SYNPO2: variants seen among roughly 807,000 people sequenced by gnomAD.
SYNPO2 encodes the protein synaptopodin-2.
A neutral mutation model predicts 85.0 loss-of-function variants in SYNPO2; 56 were observed. The ratio of observed to expected loss-of-function variants is 0.66; its 90% CI spans 0.53 to 0.82. SYNPO2 has a LOEUF of 0.82. Among genes scored for constraint, SYNPO2 ranks in the 40% least tolerant of loss-of-function variants. SYNPO2 has a pLI of 0.00. For synonymous variants in SYNPO2, 602 were observed against 591.1 expected, an observed-to-expected ratio of 1.02 and a Z score of -0.27; for missense variants, 1,575 against 1,534.2, an observed-to-expected ratio of 1.03 and a Z score of -0.44.
At position 118,889,076 on chromosome 4, in the gene SYNPO2, G is replaced by A. The variant is rs1732279657; in HGVS notation, c.40G>A (p.Gly14Arg). 1.9e-6 allele frequency: 3 copies of A among 1,614,152 alleles called. No individual in the cohort carries two copies. Among genetic ancestry groups the A allele is most frequent in the South Asian group, 1.1e-5 (1 of 91,084 alleles). The change falls in exon 1 of 5, where the codon GGG becomes AGG. Residue 14 changes from glycine to arginine, a missense_variant. Coordinates refer to ENST00000307142, the MANE Select transcript of SYNPO2 (RefSeq NM_133477.3). Reference protein sequence around the residue: ...GDFICISMTGGAPWGFRLQGG... With the variant: ...GDFICISMTGRAPWGFRLQGG... ...TTTTATCTGCATTTCCATGACTGGA[G>A]GGGCGCCCTGGGGGTTCAGATTGCA...
chr4:118,914,142 G>A (rs912829012), intron 1 of SYNPO2, among the ~76,000 whole-genome samples: 3 of 152,180 alleles, frequency 2.0e-5, no homozygotes, highest in Admixed American at 6.5e-5. Flanking sequence ...ATGACAAAGG[G>A]ATGGATGTTG....
chr4:118,858,588 G>A (rs951648878), intron 1 of SYNPO2, among the ~76,000 whole-genome samples: 1 of 152,088 alleles, frequency 6.6e-6, no homozygotes, highest in African/African-American at 2.4e-5. Context: ...GCCAGTGTGA[G>A]GGCACCTGTC....
chr4:118,969,013 A>T (rs1443600127), intron 1 of SYNPO2, among the ~76,000 whole-genome samples: 1 of 152,232 alleles, frequency 6.6e-6, no homozygotes, highest in African/African-American at 2.4e-5. Flanking sequence ...TGAGGAGACC[A>T]CTGTCTTAGC....
chr4:118,944,460 G>T (rs1291445469), intron 1 of SYNPO2, among the ~76,000 whole-genome samples: 1 of 152,008 alleles, frequency 6.6e-6, no homozygotes, highest in Non-Finnish European at 1.5e-5. Context: ...TAAAATAAAT[G>T]GACATATCCA....
At chr4:119,036,837 G>T (rs1233985417) in intron 4 of SYNPO2, 1 of 1,069,224 alleles carries the variant, frequency 9.4e-7, no homozygotes, top group Admixed American at 5.1e-5. Context: ...ATTGAATAAA[G>T]AGAAATTTAA....
chr4:118,887,162 A>AGTGTGT (rs1288161452), upstream of SYNPO2, among the ~76,000 whole-genome samples: 1 of 99,792 alleles, frequency 1.0e-5, no homozygotes, highest in African/African-American at 4.2e-5. Flanking sequence ...TCCCCATCTG[A>AGTGTGT]GTGAGTGTGT....
intron 1 of SYNPO2, among the ~76,000 whole-genome samples, chr4:118,900,029 TGGGATTACA>T (rs894362415): frequency 9.9e-5 from 15 of 152,220 alleles, no homozygotes; most frequent in Admixed American, 4.6e-4. Flanking sequence ...CCCAAAGTGC[TGGGATTACA>T]GGCGTGAGCC....
At chr4:118,900,703 C>CTATATATATATATATATATATATA (rs373144800) in intron 1 of SYNPO2, among the ~76,000 whole-genome samples, 2 of 43,892 alleles carry the variant, frequency 4.6e-5, no homozygotes, top group Non-Finnish European at 9.1e-5. Context: ...CTCTCTCTCT[C>CTATATATATATATATATATATATA]TATATATATA....
At position 119,059,013 on chromosome 4, in the gene SYNPO2, A is replaced by G. The variant is rs1186246067; in HGVS notation, c.*1079A>G. On this transcript the variant is annotated 3_prime_UTR_variant, in exon 5 of 5. Transcript: ENST00000307142. ...TCAAATGAGAAGATTGGATTATCTA[A>G]TCTTTTAGATCCTTAACAACTCTGA... 6.6e-6 allele frequency: 1 copy of G among 152,218 alleles called. No individual in the cohort carries two copies. The highest frequency in any genetic ancestry group is 1.5e-5 in the Non-Finnish European group (1 of 68,034). The allele number at this position is 152,218 out of a possible 1,614,324, so 9.4% of individuals were successfully genotyped here.
At chr4:118,993,329 C>G (rs1435994317) in intron 1 of SYNPO2, among the ~76,000 whole-genome samples, 1 of 152,076 alleles carries the variant, frequency 6.6e-6, no homozygotes, top group Non-Finnish European at 1.5e-5. Context: ...TGAGGATTAG[C>G]CATTGTAGAG....
chr4:118,885,947 T>C (rs1239841573), upstream of SYNPO2, among the ~76,000 whole-genome samples: 3 of 152,236 alleles, frequency 2.0e-5, no homozygotes, highest in Non-Finnish European at 4.4e-5. Flanking sequence ...TAAAGCACTG[T>C]TAATTATCAG....
At chr4:119,036,367 G>A in intron 4 of SYNPO2, 1 of 985,400 alleles carries the variant, frequency 1.0e-6, no homozygotes, top group Non-Finnish European at 1.2e-6. Context: ...CCAGAAACAT[G>A]ACCCTCGCTG....
chr4:119,020,953 G>A (rs1394751949), intron 1 of SYNPO2, among the ~76,000 whole-genome samples: 2 of 143,814 alleles, frequency 1.4e-5, no homozygotes, highest in Non-Finnish European at 3.0e-5. Flanking sequence ...CATTGCTTTT[G>A]TGACTTTCTT....
chr4:118,977,389 C>T (rs1425484164), intron 1 of SYNPO2, among the ~76,000 whole-genome samples: 2 of 152,240 alleles, frequency 1.3e-5, no homozygotes, highest in African/African-American at 2.4e-5. Flanking sequence ...CCAGCTGGCC[C>T]GCAAGCGCGG....
rs755032638 is a variant in SYNPO2 at position 118,889,047 on chromosome 4, G to C, written c.11G>C (p.Gly4Ala). The C allele has an allele frequency of 1.9e-6, 3 of 1,614,064 alleles. No individual in the cohort carries two copies. The African/African-American group carries it at 4.0e-5, about 22-fold the overall frequency. ...AACTAAAAGGAAAACATGGGCACAGGGGATTTTATCTGCATTTCCATGACT... is the reference window on the plus strand; with the variant it reads ...AACTAAAAGGAAAACATGGGCACAGCGGATTTTATCTGCATTTCCATGACT... MGT[G>A]DFICISMTGG... Residue 4 changes from glycine to alanine, a missense_variant, in exon 1 of 5, where the codon GGG (glycine) becomes GCG (alanine). This residue lies in a region of SYNPO2 where 55 missense variants were observed against 55.5 expected (regional missense o/e 0.99). Transcript: ENST00000307142.
At chr4:118,967,026 G>A (rs1054581283) in intron 1 of SYNPO2, among the ~76,000 whole-genome samples, 2 of 152,054 alleles carry the variant, frequency 1.3e-5, no homozygotes, top group African/African-American at 2.4e-5. Flanking sequence ...TGAGCATAAT[G>A]GATATGTTCC....
intron 1 of SYNPO2, among the ~76,000 whole-genome samples, chr4:118,954,568 A>C (rs1331126372): frequency 6.6e-6 from 1 of 152,240 alleles, no homozygotes; most frequent in African/African-American, 2.4e-5. Flanking sequence ...GGCATAATTC[A>C]GGCATAAAAC....
chr4:119,040,246 C>T (rs938094317), intron 4 of SYNPO2, among the ~76,000 whole-genome samples: 1 of 152,172 alleles, frequency 6.6e-6, no homozygotes, highest in East Asian at 1.9e-4. Flanking sequence ...TAAACAAGTT[C>T]TTTTGTGTTC....
chr4:119,060,104 C>A lies in SYNPO2; in HGVS notation c.*2170C>A, dbSNP rs1553951211. 6.6e-6 allele frequency: 1 copy of A among 152,086 alleles called. No homozygotes were observed. Among genetic ancestry groups the A allele is most frequent in the Non-Finnish European group, 1.5e-5 (1 of 67,992 alleles). 9.4% of individuals were successfully genotyped at this position (152,086 alleles called of 1,614,324 possible). On this transcript the variant is annotated 3_prime_UTR_variant, in exon 5 of 5. Transcript: ENST00000307142. Reference sequence around the variant, plus strand: ...GGGCCACGTTCTACTTCATTGCTTTCTTTTATAAGTGCAAGGAGTTATTTC... The same window carrying A: ...GGGCCACGTTCTACTTCATTGCTTTATTTTATAAGTGCAAGGAGTTATTTC...
Sources: allele counts gnomAD v4.1 joint callset (sites outside exome capture counted in the v4.1 genomes callset), GRCh38; gene constraint gnomAD v4.1.1; regional missense constraint gnomAD v4.1.1; transcripts MANE v1.5; gene names NCBI Gene and HGNC (gene_info 2026-07-23, HGNC 2026-07-21).